The following REV3L variants were observed in gnomAD, a reference collection of about 807,000 sequenced individuals.
REV3L encodes the protein REV3 like, DNA directed polymerase zeta catalytic subunit, also known as DNA polymerase zeta catalytic subunit.
A neutral mutation model predicts 299.4 loss-of-function variants in REV3L; 69 were observed. That is an observed-to-expected ratio of 0.23 (90% CI 0.19 to 0.28). REV3L has a LOEUF of 0.28. Ranked by LOEUF, REV3L falls within the 10% of genes least tolerant of loss-of-function variation. The probability of loss-of-function intolerance (pLI) is 1.00; values close to 1 mark genes in which losing one functional copy is unlikely to be tolerated. For synonymous variants in REV3L, 1,238 were observed against 1,271.4 expected (o/e 0.97, Z 0.56); for missense variants, 3,128 against 3,693.8 (o/e 0.85, Z 3.97).
chr6:111,452,811 A>G (rs557816071), intron 1 of REV3L, among the ~76,000 whole-genome samples: 2 of 152,298 alleles, frequency 1.3e-5, no homozygotes, highest in African/African-American at 2.4e-5. Flanking sequence ...AAACGTGATT[A>G]AAGAAAAAGA....
At chr6:111,430,329 C>T in intron 1 of REV3L, 1 of 1,138,544 alleles carries the variant, frequency 8.8e-7, no homozygotes, top group Non-Finnish European at 1.3e-6. Flanking sequence ...CTGCTCCTGG[C>T]TACTCCATGA....
At chr6:111,313,304 T>C in intron 28 of REV3L, 48 bp downstream of exon 28, 1 of 1,563,888 alleles carries the variant, frequency 6.4e-7, no homozygotes, top group East Asian at 2.3e-5. Flanking sequence ...CACCAGACAC[T>C]TTAGCCACTT....
chr6:111,342,584 C>T (rs1382090382), intron 21 of REV3L, among the ~76,000 whole-genome samples: 2 of 151,448 alleles, frequency 1.3e-5, no homozygotes, highest in African/African-American at 2.4e-5. Context: ...AGGAGAATGG[C>T]GTGAACTCGG....
chr6:111,301,796 A>G (rs1280986950), intron 31 of REV3L, among the ~76,000 whole-genome samples: 1 of 152,222 alleles, frequency 6.6e-6, no homozygotes, highest in Non-Finnish European at 1.5e-5. Context: ...AAAATACTTT[A>G]AAGTCTCAAG....
At chr6:111,436,584 T>A (rs569150044) in intron 1 of REV3L, among the ~76,000 whole-genome samples, 5 of 152,080 alleles carry the variant, frequency 3.3e-5, no homozygotes, top group African/African-American at 4.8e-5. Context: ...AAAAAGTGGA[T>A]CTCATGAAGA....
At chr6:111,430,991 G>A (rs1306327058) in intron 1 of REV3L, 1 of 1,572,024 alleles carries the variant, frequency 6.4e-7, no homozygotes, top group Non-Finnish European at 8.6e-7. Context: ...GGGGTTCAAA[G>A]AGGACAAAAG....
rs559776608 is a variant in REV3L at position 111,478,172 on chromosome 6, G to A, written c.139+4578C>T. On this transcript the variant is annotated intron_variant, in intron 1 of 31. Coordinates refer to ENST00000368802, the MANE Select transcript of REV3L (RefSeq NM_001372078.1). ...CATGACTAATCCATATTTCCTTCACGAAGTCTTCCCTGACTCCCCTTTTTG... is the reference window on the plus strand; with the variant it reads ...CATGACTAATCCATATTTCCTTCACAAAGTCTTCCCTGACTCCCCTTTTTG... 3.3e-5 allele frequency among the ~76,000 whole-genome samples: 5 copies of A among 152,154 alleles called. No homozygotes were observed. The South Asian group carries it at 8.3e-4, about 25-fold the overall frequency.
chr6:111,414,031 T>C (rs1009152828), intron 2 of REV3L, among the ~76,000 whole-genome samples: 9 of 152,138 alleles, frequency 5.9e-5, no homozygotes, highest in South Asian at 4.1e-4. Flanking sequence ...CAAACAGTTA[T>C]TGAGTCATCT....
chr6:111,317,818 T>C (rs1773697228), intron 26 of REV3L, among the ~76,000 whole-genome samples: 1 of 152,178 alleles, frequency 6.6e-6, no homozygotes, highest in Non-Finnish European at 1.5e-5. Flanking sequence ...ATAAAAATTT[T>C]ATATAAATGA....
At position 111,372,722 on chromosome 6, in the gene REV3L, A is replaced by T; in HGVS notation, c.5633T>A (p.Leu1878Gln). The T allele has an allele frequency of 6.2e-7, 1 of 1,610,666 alleles. No homozygotes were observed. Among genetic ancestry groups the T allele is most frequent in the Non-Finnish European group, 8.5e-7 (1 of 1,178,596 alleles). Reference sequence around the variant, plus strand: ...ACTTGGGGGGGACATAAGTGGTTTCAGAATGTTAGCAGTTCGAGGGGTGAA... The same window carrying T: ...ACTTGGGGGGGACATAAGTGGTTTCTGAATGTTAGCAGTTCGAGGGGTGAA... ...GSFTPRTANI[L>Q]KPLMSPPSRE... is the part of the protein sequence containing the mutation. Residue 1878 changes from leucine to glutamine, a missense_variant, in exon 13 of 32, where the codon CTG (leucine) becomes CAG (glutamine). Around this residue, in one of 9 missense-constraint regions of REV3L, gnomAD observed 2,409 missense variants for 2,611.8 expected, o/e 0.92. Transcript: ENST00000368802.
intron 4 of REV3L, among the ~76,000 whole-genome samples, chr6:111,404,513 T>C (rs1783420252): frequency 6.6e-6 from 1 of 152,192 alleles, no homozygotes; most frequent in South Asian, 2.1e-4. Context: ...TTCATAAGGC[T>C]ATAGCTGTCA....
rs75742786 is a variant in REV3L at position 111,408,602 on chromosome 6, A to AAAAACAAAACAAAACAAAAC, written c.404+2858_404+2877dup. Among the ~76,000 whole-genome samples, 345 of 148,118 alleles carry AAAAACAAAACAAAACAAAAC rather than the reference A, an allele frequency of 2.3e-3. 1 individual carries two copies. The highest frequency in any genetic ancestry group is 8.5e-3 in the East Asian group (42 of 4,966). ...CTGGGCAACAGTGAGACTCCATCTT[A>AAAAACAAAACAAAACAAAAC]AAAACAAAACAAAACAAAACAAAAC... On this transcript the variant is annotated intron_variant, in intron 3 of 31. Coordinates refer to ENST00000368802, the MANE Select transcript of REV3L (RefSeq NM_001372078.1).
In REV3L at chr6:111,331,664, A is replaced by G. The variant is rs756715140; in HGVS notation, c.8034+12T>C. 2.6e-6 allele frequency: 4 copies of G among 1,551,246 alleles called. No homozygotes were observed. Among genetic ancestry groups the G allele is most frequent in the Non-Finnish European group, 3.6e-6 (4 of 1,125,790 alleles). ...CCATAGTTGTTATCTTTCATTTACA[A>G]GAGAGTATTACCTTGACAAAAGCTA... is the stretch of plus-strand genomic sequence containing the variant. On this transcript the variant is annotated intron_variant, in intron 24 of 31. Coordinates refer to ENST00000368802, the MANE Select transcript of REV3L (RefSeq NM_001372078.1).
Position 111,343,779 on chromosome 6 carries a change from C to T in REV3L, c.7538+146G>A, listed in dbSNP as rs17539944. The T allele has an allele frequency of 2.9e-3, 1,394 of 484,066 alleles. 15 individuals carry two copies. The highest frequency in any genetic ancestry group is 0.025 in the African/African-American group (1,271 of 50,108). 30.0% of individuals were successfully genotyped at this position (484,066 alleles called of 1,614,324 possible). ...TCCTGATGTCAGGTGATGTGCCCGC[C>T]TCGGCCTCCCAATGTGCTAGGATTA... On this transcript the variant is annotated intron_variant, in intron 21 of 31. Coordinates refer to ENST00000368802, the MANE Select transcript of REV3L (RefSeq NM_001372078.1).
Position 111,389,009 on chromosome 6 carries a change from A to C in REV3L, c.862+97T>G, listed in dbSNP as rs1011881260. 3 of 872,578 alleles carry C rather than the reference A, an allele frequency of 3.4e-6. No individual in the cohort carries two copies. In the South Asian group the frequency reaches 4.9e-5, roughly 14 times the overall value. 54.1% of individuals were successfully genotyped at this position (872,578 alleles called of 1,614,324 possible). A position where few individuals can be genotyped will look rare whatever the true frequency, so the allele number is the denominator to read the frequency against. Reference sequence around the variant, plus strand: ...CATACAAAATATAAAGGTCATTTGAAAAGTAAAATCTAATGTCAAAGGAAC... The same window carrying C: ...CATACAAAATATAAAGGTCATTTGACAAGTAAAATCTAATGTCAAAGGAAC... On this transcript the variant is annotated intron_variant, in intron 7 of 31. Transcript: ENST00000368802.
intron 1 of REV3L, among the ~76,000 whole-genome samples, chr6:111,426,821 G>A (rs191805060): frequency 6.6e-6 from 1 of 152,266 alleles, no homozygotes; most frequent in African/African-American, 2.4e-5. Context: ...AAAAAGCTCA[G>A]TCTTAAAAAA....
In REV3L at chr6:111,310,177, A is replaced by C. The variant is rs1231828466; in HGVS notation, c.8796-78T>G. On this transcript the variant is annotated intron_variant, in intron 29 of 31. Transcript: ENST00000368802. ...CTTTCTCACAAATTAAGTCAGAATT[A>C]AACAATAATAAAACAATGAAAAAAC... 3 of 1,439,360 alleles carry C rather than the reference A, an allele frequency of 2.1e-6. No homozygotes were observed. The African/African-American group carries it at 4.3e-5, about 20-fold the overall frequency. The allele number at this position is 1,439,360 out of a possible 1,614,324, so 89.2% of individuals were successfully genotyped here. A position where few individuals can be genotyped will look rare whatever the true frequency, so the allele number is the denominator to read the frequency against.
chr6:111,304,935 CTTT>C (rs944680905), intron 31 of REV3L, among the ~76,000 whole-genome samples: 4 of 147,878 alleles, frequency 2.7e-5, no homozygotes, highest in African/African-American at 1.0e-4. Context: ...TGATTTTGTT[CTTT>C]GTTCTTTTTT....
intron 1 of REV3L, among the ~76,000 whole-genome samples, chr6:111,461,234 G>A (rs912798149): frequency 2.0e-5 from 3 of 152,030 alleles, no homozygotes; most frequent in Non-Finnish European, 2.9e-5. Flanking sequence ...ATGTGGAAGT[G>A]GAAGACAGTG....
Sources: gnomAD v4.1 joint callset for allele counts (sites outside exome capture counted in the v4.1 genomes callset) on GRCh38, gnomAD v4.1.1 for gene constraint, gnomAD v4.1.1 regional missense constraint, MANE v1.5 for transcripts, NCBI Gene and HGNC (gene_info 2026-07-23, HGNC 2026-07-21) for gene names.